Variants in CDK8 observed in about 807,000 individuals in gnomAD.
CDK8 encodes the protein cyclin dependent kinase 8.
Under a neutral mutation model 71.5 loss-of-function variants are expected in CDK8, and 29 were observed. The ratio of observed to expected loss-of-function variants is 0.41; its 90% confidence interval spans 0.30 to 0.55. CDK8 has a LOEUF of 0.55. CDK8 is among the 20% of genes least tolerant of loss of function. The probability of loss-of-function intolerance (pLI) is 0.37; values close to 1 mark genes in which losing one functional copy is unlikely to be tolerated. For synonymous variants in CDK8, 161 were observed against 192.1 expected, an observed-to-expected ratio of 0.84 and a Z score of 1.34; for missense variants, 288 against 572.6, an observed-to-expected ratio of 0.50 and a Z score of 5.07.
intron 1 of CDK8, among the ~76,000 whole-genome samples, chr13:26,317,274 C>T (rs1330664847): frequency 6.6e-6 from 1 of 151,924 alleles, no homozygotes; most frequent in Non-Finnish European, 1.5e-5. Context: ...GAAGATAAAA[C>T]AATGATAAGC....
chr13:26,351,971 TTGTCA>T (rs1873696611), intron 3 of CDK8, among the ~76,000 whole-genome samples: 1 of 152,106 alleles, frequency 6.6e-6, no homozygotes. Context: ...ACAGTAGGAT[TTGTCA>T]TTTTAAAACA....
At chr13:26,275,590 G>A (rs1188457183) in intron 1 of CDK8, among the ~76,000 whole-genome samples, 1 of 152,050 alleles carries the variant, frequency 6.6e-6, no homozygotes, top group Non-Finnish European at 1.5e-5. Flanking sequence ...TGGACATCTT[G>A]TATTTCATTT....
rs1266219998 is a variant in CDK8, at chr13:26,403,888, G to GGAT, written c.1270-68_1270-67insGAT. On this transcript the variant is annotated intron_variant, in intron 12 of 12. Transcript: ENST00000381527. The stretch of plus-strand genomic sequence containing the variant: ...TTCCTTGAAACATAATGACACTTCA[G>GGAT]TCACATATTGGGATTGAGCTTCCCC... The GGAT allele has an allele frequency of 1.4e-4, 212 of 1,564,718 alleles. No individual in the cohort carries two copies. In the African/African-American group the frequency reaches 2.4e-3, roughly 17 times the overall value.
At chr13:26,347,068 T>G (rs1053336639) in intron 2 of CDK8, among the ~76,000 whole-genome samples, 2 of 152,208 alleles carry the variant, frequency 1.3e-5, no homozygotes, top group African/African-American at 4.8e-5. Context: ...GAGAGGCTTT[T>G]TCTTGTTGTT....
intron 6 of CDK8, 40 bp from the exon 7 acceptor site, chr13:26,393,327 C>T (rs371948919): frequency 8.5e-6 from 11 of 1,294,160 alleles, no homozygotes; most frequent in Non-Finnish European, 1.2e-5. Flanking sequence ...TTTTTCCTTG[C>T]CTATTTTTCT....
intron 1 of CDK8, among the ~76,000 whole-genome samples, chr13:26,266,235 T>C (rs989307196): frequency 3.3e-5 from 5 of 152,202 alleles, no homozygotes; most frequent in Non-Finnish European, 7.3e-5. Flanking sequence ...TAGGCAGATA[T>C]GTAAATTTAA....
intron 4 of CDK8, among the ~76,000 whole-genome samples, chr13:26,373,996 A>G (rs1473949328): frequency 2.7e-5 from 4 of 146,048 alleles, no homozygotes; most frequent in African/African-American, 5.1e-5. Flanking sequence ...CCTGGCTAAC[A>G]TGGTGAAACC....
At chr13:26,377,174 G>C (rs1874994322) in intron 4 of CDK8, among the ~76,000 whole-genome samples, 1 of 152,218 alleles carries the variant, frequency 6.6e-6, no homozygotes, top group African/African-American at 2.4e-5. Flanking sequence ...GCCAGTGTGT[G>C]GCACATTCTG....
intron 1 of CDK8, among the ~76,000 whole-genome samples, chr13:26,312,810 G>A (rs994056109): frequency 1.3e-5 from 2 of 152,086 alleles, no homozygotes; most frequent in Non-Finnish European, 2.9e-5. Context: ...TTATGTTTCC[G>A]GAGTGTGTGC....
chr13:26,403,247 T>C (rs897840830), intron 12 of CDK8, among the ~76,000 whole-genome samples: 20 of 152,152 alleles, frequency 1.3e-4, no homozygotes, highest in Non-Finnish European at 2.1e-4. Flanking sequence ...CTGTGGCTCA[T>C]GCCCGTAATC....
chr13:26,351,130 C>T (rs940824282), intron 3 of CDK8, among the ~76,000 whole-genome samples: 3 of 152,090 alleles, frequency 2.0e-5, no homozygotes, highest in Non-Finnish European at 4.4e-5. Flanking sequence ...GTAAACTAAA[C>T]ATCTAACATT....
At chr13:26,348,786 A>G (rs1011019341) in intron 2 of CDK8, among the ~76,000 whole-genome samples, 1 of 152,164 alleles carries the variant, frequency 6.6e-6, no homozygotes, top group South Asian at 2.1e-4. Flanking sequence ...AATGATTAAA[A>G]TGGTCTTTTT....
At chr13:26,330,787 G>T (rs909440320) in intron 1 of CDK8, among the ~76,000 whole-genome samples, 1 of 152,012 alleles carries the variant, frequency 6.6e-6, no homozygotes, top group African/African-American at 2.4e-5. Context: ...TGTGTGTGTG[G>T]TTGAATAGTA....
rs1876385155 is a variant in CDK8, at chr13:26,403,937, T to C, written c.1270-19T>C. The C allele has an allele frequency of 1.9e-6, 3 of 1,608,574 alleles. No individual in the cohort carries two copies. The highest frequency in any genetic ancestry group is 2.5e-6 in the Non-Finnish European group (3 of 1,179,710). Reference sequence around the variant, plus strand: ...CCTAGAAGCACCTGAATCACACTTTTCCCTCATCTCCTTTCCAGCGTTCCA... The same window carrying C: ...CCTAGAAGCACCTGAATCACACTTTCCCCTCATCTCCTTTCCAGCGTTCCA... On this transcript the variant is annotated intron_variant, in intron 12 of 12. Transcript: ENST00000381527.
rs115707671 is a variant in CDK8 at position 26,271,492 on chromosome 13, T to C, written c.128+16723T>C. Among the ~76,000 whole-genome samples, 1,211 of 152,228 alleles carry C rather than the reference T, an allele frequency of 8.0e-3. 26 individuals are homozygous for C. Among genetic ancestry groups the C allele is most frequent in the African/African-American group, 0.026 (1,089 of 41,522 alleles). On this transcript the variant is annotated intron_variant, in intron 1 of 12. Transcript: ENST00000381527. ...AACACATTTTAATATAGAAAAGGTATAGTAAAAATATGGCATAAAAGGTAA... is the reference window on the plus strand; with the variant it reads ...AACACATTTTAATATAGAAAAGGTACAGTAAAAATATGGCATAAAAGGTAA...
chr13:26,307,069 A>C (rs916765749), intron 1 of CDK8, among the ~76,000 whole-genome samples: 4 of 152,182 alleles, frequency 2.6e-5, no homozygotes, highest in South Asian at 2.1e-4. Flanking sequence ...CATAATGAGC[A>C]CCTTTATCCT....
In CDK8 at chr13:26,404,974, G is replaced by A. The variant is rs1430040441; in HGVS notation, c.*893G>A. The A allele has an allele frequency of 5.1e-6, 1 of 197,942 alleles. No homozygotes were observed. Among genetic ancestry groups the A allele is most frequent in the African/African-American group, 2.3e-5 (1 of 43,350 alleles). The allele number at this position is 197,942 out of a possible 1,614,324, so 12.3% of individuals were successfully genotyped here. A position where few individuals can be genotyped will look rare whatever the true frequency, so the allele number is the denominator to read the frequency against. ...CAAATATTTTCGTCCTGATTTTAAA[G>A]CTGGTTGGTGTAGTGCTATTAAAAT... On this transcript the variant is annotated 3_prime_UTR_variant, in exon 13 of 13. Transcript: ENST00000381527.
intron 6 of CDK8, among the ~76,000 whole-genome samples, chr13:26,387,408 A>G (rs923252528): frequency 2.0e-5 from 3 of 152,188 alleles, no homozygotes; most frequent in African/African-American, 7.2e-5. Flanking sequence ...CATGGGGCTT[A>G]TAGAGTGAGA....
chr13:26,385,153 T>G, intron 5 of CDK8, 58 bp from the exon 6 acceptor site: 1 of 1,374,258 alleles, frequency 7.3e-7, no homozygotes, highest in Non-Finnish European at 1.0e-6. Flanking sequence ...ATTAGACTAA[T>G]TGGTTAGATT....
Sources: allele counts gnomAD v4.1 joint callset (sites outside exome capture counted in the v4.1 genomes callset), GRCh38; gene constraint gnomAD v4.1.1; transcripts MANE v1.5; gene names NCBI Gene and HGNC (gene_info 2026-07-23, HGNC 2026-07-21).